TMEM156: variants seen among roughly 807,000 people sequenced by gnomAD.
TMEM156 encodes transmembrane protein 156.
Under a neutral mutation model 30.5 loss-of-function variants are expected in TMEM156, and 28 were observed. The ratio of observed to expected loss-of-function variants is 0.92; its 90% CI spans 0.68 to 1.26. The LOEUF (loss-of-function observed/expected upper bound fraction) is 1.26. TMEM156 is among the 50% of genes most tolerant of loss of function. The pLI is 0.00. For synonymous variants in TMEM156, 137 were observed against 119.9 expected (o/e 1.14, Z -0.93); for missense variants, 351 against 340.6 (o/e 1.03, Z -0.24).
intron 2 of TMEM156, among the ~76,000 whole-genome samples, chr4:38,996,219 A>G (rs748117074): frequency 3.3e-5 from 5 of 151,630 alleles, no homozygotes; most frequent in Non-Finnish European, 5.9e-5. Context: ...AGTCAAAACT[A>G]CAATCAGAAA....
intron 1 of TMEM156, among the ~76,000 whole-genome samples, chr4:39,007,230 A>C (rs997283384): frequency 1.3e-5 from 2 of 152,146 alleles, no homozygotes; most frequent in Non-Finnish European, 2.9e-5. Flanking sequence ...GAGAGGAAAA[A>C]GTCCCGTCGC....
chr4:38,982,445 C>A (rs1372464982), intron 5 of TMEM156, among the ~76,000 whole-genome samples: 1 of 152,180 alleles, frequency 6.6e-6, no homozygotes, highest in East Asian at 1.9e-4. Context: ...TTCTACAAAG[C>A]GTACTATGCC....
intron 1 of TMEM156, among the ~76,000 whole-genome samples, chr4:39,027,687 C>G (rs897299545): frequency 1.3e-5 from 2 of 150,830 alleles, no homozygotes; most frequent in African/African-American, 4.9e-5. Flanking sequence ...TCCAGAGTAG[C>G]TGGGATTACA....
chr4:39,007,279 G>T (rs1013113245), intron 1 of TMEM156, among the ~76,000 whole-genome samples: 1 of 151,916 alleles, frequency 6.6e-6, no homozygotes, highest in Admixed American at 6.6e-5. Context: ...GCAATCCTTC[G>T]CTCATTTCAA....
At chr4:38,990,830 G>GTTTTTTTTTTTTGTT (rs1560365255) in intron 3 of TMEM156, among the ~76,000 whole-genome samples, 4 of 81,216 alleles carry the variant, frequency 4.9e-5, no homozygotes, top group Admixed American at 1.5e-4. Context: ...TTGTTTTCTG[G>GTTTTTTTTTTTTGTT]TTTTTTTTTT....
At chr4:38,990,678 G>A (rs1340073778) in intron 3 of TMEM156, among the ~76,000 whole-genome samples, 3 of 151,968 alleles carry the variant, frequency 2.0e-5, no homozygotes, top group African/African-American at 4.8e-5. Flanking sequence ...AATCTGGGGG[G>A]AACATCGAGG....
chr4:38,980,463 A>C (rs922004651), intron 5 of TMEM156, among the ~76,000 whole-genome samples: 1 of 152,204 alleles, frequency 6.6e-6, no homozygotes, highest in African/African-American at 2.4e-5. Flanking sequence ...TTTATTGGGT[A>C]CCTATGACAT....
In TMEM156 at chr4:39,002,028, C is replaced by T. The variant is rs1427291915; in HGVS notation, c.89-3119G>A. Reference sequence around the variant, plus strand: ...CAATGGCAACAAAAGACAAAATTGACAAATGGGATCTAATTAAACTAAAGA... The same window carrying T: ...CAATGGCAACAAAAGACAAAATTGATAAATGGGATCTAATTAAACTAAAGA... On this transcript the variant is annotated intron_variant, in intron 1 of 6. Transcript: ENST00000381938. 3.7e-5 allele frequency among the ~76,000 whole-genome samples: 5 copies of T among 134,296 alleles called. 1 individual carries two copies. Among genetic ancestry groups the T allele is most frequent in the African/African-American group, 1.3e-4 (5 of 38,326 alleles). 88.1% of individuals were successfully genotyped at this position (134,296 alleles called of 152,430 possible).
chr4:39,025,345 C>CAAAAA (rs59380844), intron 1 of TMEM156, among the ~76,000 whole-genome samples: 2 of 65,746 alleles, frequency 3.0e-5, no homozygotes, highest in Non-Finnish European at 5.4e-5. Flanking sequence ...AAGACTGTCT[C>CAAAAA]AAAAAAAAAA....
chr4:38,991,897 T>A (rs552595497), intron 3 of TMEM156, among the ~76,000 whole-genome samples: 1 of 152,234 alleles, frequency 6.6e-6, no homozygotes, highest in South Asian at 2.1e-4. Flanking sequence ...CACTCCTCAA[T>A]CAGAGGGAAC....
intron 1 of TMEM156, among the ~76,000 whole-genome samples, chr4:39,023,433 A>G (rs1351650985): frequency 6.6e-6 from 1 of 152,248 alleles, no homozygotes; most frequent in Non-Finnish European, 1.5e-5. Flanking sequence ...GAAATAACCC[A>G]ATAGATAAAG....
At chr4:39,007,925 T>G (rs1006424917) in intron 1 of TMEM156, among the ~76,000 whole-genome samples, 1 of 152,160 alleles carries the variant, frequency 6.6e-6, no homozygotes, top group African/African-American at 2.4e-5. Context: ...TTAGGAAATA[T>G]GTTTTCTGTC....
intron 5 of TMEM156, among the ~76,000 whole-genome samples, chr4:38,979,246 T>C (rs1041865303): frequency 2.6e-5 from 4 of 152,214 alleles, no homozygotes; most frequent in African/African-American, 7.2e-5. Flanking sequence ...GAGGCACCTG[T>C]GCAGCCTTGT....
At chr4:38,978,814 G>C (rs182220972) in intron 5 of TMEM156, among the ~76,000 whole-genome samples, 1 of 151,956 alleles carries the variant, frequency 6.6e-6, no homozygotes, top group Non-Finnish European at 1.5e-5. Flanking sequence ...ACAGGGTCTC[G>C]CTCTGTCACC....
chr4:39,019,611 T>C (rs1162998096), intron 1 of TMEM156, among the ~76,000 whole-genome samples: 1 of 152,210 alleles, frequency 6.6e-6, no homozygotes, highest in Non-Finnish European at 1.5e-5. Context: ...CCAATCACAG[T>C]ACCTTACATT....
At chr4:39,027,758 CT>C (rs112766367) in intron 1 of TMEM156, among the ~76,000 whole-genome samples, 45 of 120,758 alleles carry the variant, frequency 3.7e-4, no homozygotes, top group South Asian at 7.8e-4. Flanking sequence ...TTTTCTTTTT[CT>C]TTTTTTTTTT....
At chr4:39,021,422 A>G (rs1004535816) in intron 1 of TMEM156, among the ~76,000 whole-genome samples, 1 of 152,030 alleles carries the variant, frequency 6.6e-6, no homozygotes, top group Admixed American at 6.6e-5. Context: ...TAAAAAGAAA[A>G]GAAAAGAAAA....
chr4:38,975,307 G>A (rs1453443130), intron 5 of TMEM156, among the ~76,000 whole-genome samples: 1 of 151,764 alleles, frequency 6.6e-6, no homozygotes, highest in Non-Finnish European at 1.5e-5. Flanking sequence ...CACATCTATG[G>A]GGCTATGTCT....
intron 5 of TMEM156, among the ~76,000 whole-genome samples, chr4:38,981,403 T>C (rs1440084700): frequency 6.6e-6 from 1 of 152,194 alleles, no homozygotes; most frequent in African/African-American, 2.4e-5. Flanking sequence ...GCAAGAAAAT[T>C]TCAGCCAGTG....
Sources: gnomAD v4.1 joint callset for allele counts (sites outside exome capture counted in the v4.1 genomes callset) on GRCh38, gnomAD v4.1.1 for gene constraint, MANE v1.5 for transcripts, NCBI Gene and HGNC (gene_info 2026-07-23, HGNC 2026-07-21) for gene names.